Variants in MXI1 observed in about 807,000 individuals in gnomAD.
MXI1 encodes the protein max-interacting protein 1.
In MXI1, 18 loss-of-function variants were observed where a neutral mutation model predicts 36.9. The observed-to-expected ratio is 0.49, with a 90% CI of 0.34 to 0.72. MXI1 has a LOEUF of 0.72. MXI1 is among the 30% of genes least tolerant of loss of function. The pLI is 0.01. For missense variants in MXI1, 304 were observed against 379.1 expected (o/e 0.80, Z 1.64); for synonymous variants, 160 against 146.7 (o/e 1.09, Z -0.65).
intron 3 of MXI1, among the ~76,000 whole-genome samples, chr10:110,261,552 A>ATG (rs1410178170): frequency 6.6e-6 from 1 of 151,936 alleles, no homozygotes; most frequent in Non-Finnish European, 1.5e-5. Flanking sequence ...CGTGATAGAG[A>ATG]TGAATGATCT....
chr10:110,279,070 C>CT, intron 3 of MXI1, 110 bp from the exon 4 acceptor site: 1 of 756,436 alleles, frequency 1.3e-6, no homozygotes, highest in Non-Finnish European at 2.2e-6. Flanking sequence ...GGTGTGACAT[C>CT]TATCCTATAG....
intron 3 of MXI1, chr10:110,261,116 A>G (rs1856495093): frequency 7.1e-6 from 7 of 985,250 alleles, no homozygotes; most frequent in Non-Finnish European, 8.4e-6. Context: ...ATATTTGTCT[A>G]TAAACAATCT....
At chr10:110,244,081 A>G (rs1855769827) in intron 2 of MXI1, among the ~76,000 whole-genome samples, 1 of 152,068 alleles carries the variant, frequency 6.6e-6, no homozygotes, top group Non-Finnish European at 1.5e-5. Context: ...TAGGGATAAA[A>G]TAAGATATAT....
intron 1 of MXI1, among the ~76,000 whole-genome samples, chr10:110,218,551 C>A (rs1854716025): frequency 6.6e-6 from 1 of 152,054 alleles, no homozygotes; most frequent in East Asian, 1.9e-4. Context: ...CCCACTCTTG[C>A]TAGGGTAGAG....
At chr10:110,259,030 T>C (rs1416846386) in intron 3 of MXI1, among the ~76,000 whole-genome samples, 1 of 152,044 alleles carries the variant, frequency 6.6e-6, no homozygotes, top group Non-Finnish European at 1.5e-5. Context: ...GATTATGAGA[T>C]CTTAAAAAAT....
chr10:110,242,485 T>G (rs1021076072), intron 2 of MXI1, among the ~76,000 whole-genome samples: 1 of 152,024 alleles, frequency 6.6e-6, no homozygotes, highest in Non-Finnish European at 1.5e-5. Context: ...TGGTAATGAT[T>G]TGTATATTTA....
chr10:110,281,837 A>T (rs1429306767), intron 5 of MXI1, among the ~76,000 whole-genome samples: 1 of 152,156 alleles, frequency 6.6e-6, no homozygotes, highest in Non-Finnish European at 1.5e-5. Flanking sequence ...TATTGTGTGT[A>T]GTTGTTGTTG....
At chr10:110,228,582 TGTC>T (rs1855145573) in intron 2 of MXI1, among the ~76,000 whole-genome samples, 1 of 152,192 alleles carries the variant, frequency 6.6e-6, no homozygotes, top group Non-Finnish European at 1.5e-5. Flanking sequence ...TGGCAGCATG[TGTC>T]CATGCATGCA....
At chr10:110,220,476 C>T (rs1017819645) in intron 1 of MXI1, among the ~76,000 whole-genome samples, 1 of 152,166 alleles carries the variant, frequency 6.6e-6, no homozygotes, top group South Asian at 2.1e-4. Context: ...AGATACAAGG[C>T]AGCAGGAGCT....
intron 3 of MXI1, among the ~76,000 whole-genome samples, chr10:110,258,954 A>T (rs115463845): frequency 0.014 from 2,170 of 152,240 alleles, 48 homozygotes; most frequent in African/African-American, 0.05. Context: ...AAGTGTTTTT[A>T]GTACTTCAGC....
Position 110,284,904 on chromosome 10 carries a change from A to G in MXI1, c.805A>G (p.Ile269Val), listed in dbSNP as rs145159441. The change falls in exon 6 of 6, where the codon ATT becomes GTT. Residue 269 changes from isoleucine (I) to valine (V), a missense_variant. Ile to Val is a conservative substitution (Grantham distance 29). This residue lies in a region of MXI1 where 125 missense variants were observed against 194.3 expected (regional missense o/e 0.64). Transcript: ENST00000332674. ...DNISTTSISD[I>V]DDHSSLPSIG... The stretch of plus-strand genomic sequence containing the variant: ...TATAAGTACCACCAGCATCAGTGAC[A>G]TTGATGACCACAGCAGCCTGCCGAG... The G allele has an allele frequency of 1.2e-6, 2 of 1,613,862 alleles. No individual in the cohort carries two copies. Among genetic ancestry groups the G allele is most frequent in the Non-Finnish European group, 1.7e-6 (2 of 1,179,984 alleles).
intron 1 of MXI1, among the ~76,000 whole-genome samples, chr10:110,214,457 T>G (rs1198112010): frequency 1.3e-5 from 2 of 151,940 alleles, no homozygotes; most frequent in African/African-American, 4.8e-5. Flanking sequence ...TCTGGGCATA[T>G]TAGAGGACTT....
intron 3 of MXI1, among the ~76,000 whole-genome samples, chr10:110,262,093 A>T (rs1387513021): frequency 6.6e-6 from 1 of 152,148 alleles, no homozygotes; most frequent in Non-Finnish European, 1.5e-5. Flanking sequence ...AAGCAAAATC[A>T]CATACAGTTG....
At chr10:110,244,627 T>C (rs925966561) in intron 2 of MXI1, among the ~76,000 whole-genome samples, 3 of 152,098 alleles carry the variant, frequency 2.0e-5, no homozygotes, top group Non-Finnish European at 4.4e-5. Context: ...TTAAGAGTTG[T>C]TAACTGAAAA....
chr10:110,224,608 G>C (rs866993458), intron 1 of MXI1, among the ~76,000 whole-genome samples: 38 of 151,098 alleles, frequency 2.5e-4, no homozygotes, highest in African/African-American at 8.5e-4. Flanking sequence ...CTTAGAAAGA[G>C]AGTGGCCATG....
chr10:110,225,938 G>C, intron 1 of MXI1: 1 of 866,410 alleles, frequency 1.2e-6, no homozygotes, highest in Non-Finnish European at 1.4e-6. Flanking sequence ...AGGCAGGGGC[G>C]GGAGGGGGCG....
intron 2 of MXI1, among the ~76,000 whole-genome samples, chr10:110,235,857 A>G (rs540321988): frequency 6.6e-6 from 1 of 152,090 alleles, no homozygotes; most frequent in African/African-American, 2.4e-5. Flanking sequence ...AAACACAAAA[A>G]TTAGCCAGGC....
chr10:110,244,940 A>T lies in MXI1; in HGVS notation c.437+83A>T, dbSNP rs79430915. The T allele has an allele frequency of 1.9e-5, 26 of 1,341,812 alleles. No individual in the cohort carries two copies. In the East Asian group the frequency reaches 6.4e-4, roughly 33 times the overall value. The allele number at this position is 1,341,812 out of a possible 1,614,324, so 83.1% of individuals were successfully genotyped here. A position where few individuals can be genotyped will look rare whatever the true frequency, so the allele number is the denominator to read the frequency against. On this transcript the variant is annotated intron_variant, in intron 3 of 5. Transcript: ENST00000332674. ...ACCTGTGAAAATAATGTAATAGTGC[A>T]TATGTAGTTGTAATTTTATTTTTCA...
At chr10:110,230,297 T>G (rs554680172) in intron 2 of MXI1, among the ~76,000 whole-genome samples, 1 of 152,240 alleles carries the variant, frequency 6.6e-6, no homozygotes, top group Non-Finnish European at 1.5e-5. Flanking sequence ...TCTTTCATGC[T>G]AGTGTCTCTG....
Sources: gnomAD v4.1 joint callset for allele counts (sites outside exome capture counted in the v4.1 genomes callset) on GRCh38, gnomAD v4.1.1 for gene constraint, gnomAD v4.1.1 regional missense constraint, MANE v1.5 for transcripts, NCBI Gene and HGNC (gene_info 2026-07-23, HGNC 2026-07-21) for gene names.